The following ZSCAN5A variants were observed in gnomAD, a reference collection of about 807,000 sequenced individuals.
ZSCAN5A encodes the protein zinc finger and SCAN domain-containing protein 5A.
In ZSCAN5A, 12 loss-of-function variants were observed where a neutral mutation model predicts 23.7. The ratio of observed to expected loss-of-function variants is 0.51; its 90% CI spans 0.32 to 0.82. ZSCAN5A has a LOEUF of 0.82. ZSCAN5A is among the 40% of genes least tolerant of loss of function. The probability of loss-of-function intolerance (pLI) is 0.03; values close to 1 mark genes in which losing one functional copy is unlikely to be tolerated. For synonymous variants in ZSCAN5A, 257 were observed against 239.9 expected, an observed-to-expected ratio of 1.07 and a Z score of -0.66; for missense variants, 597 against 617.9, an observed-to-expected ratio of 0.97 and a Z score of 0.36.
At chr19:56,285,800 T>G (rs1019431363) in intron 2 of ZSCAN5A, among the ~76,000 whole-genome samples, 4 of 152,144 alleles carry the variant, frequency 2.6e-5, no homozygotes, top group Non-Finnish European at 4.4e-5. Flanking sequence ...TATTTTGTTT[T>G]GATGTTATTA....
chr19:56,263,257 T>TG (rs2037246656), intron 2 of ZSCAN5A: 1 of 152,234 alleles, frequency 6.6e-6, no homozygotes. Flanking sequence ...GACGGTGAGC[T>TG]GGGTGAAGTG....
intron 2 of ZSCAN5A, among the ~76,000 whole-genome samples, chr19:56,359,548 A>G (rs918765899): frequency 5.3e-5 from 8 of 152,220 alleles, no homozygotes; most frequent in Non-Finnish European, 1.2e-4. Flanking sequence ...AACAATCGAA[A>G]AGAAGAGACT....
At chr19:56,361,044 TAGA>T (rs1328875950) in intron 2 of ZSCAN5A, among the ~76,000 whole-genome samples, 3 of 152,290 alleles carry the variant, frequency 2.0e-5, no homozygotes, top group South Asian at 2.1e-4. Context: ...AGACACTTCT[TAGA>T]AGAAGACATA....
intron 2 of ZSCAN5A, among the ~76,000 whole-genome samples, chr19:56,259,445 T>G (rs968712875): frequency 6.6e-6 from 1 of 152,186 alleles, no homozygotes; most frequent in African/African-American, 2.4e-5. Context: ...TAGAATTCAA[T>G]CAGCCTTTTC....
chr19:56,246,917 A>C, intron 2 of ZSCAN5A: 1 of 1,604,506 alleles, frequency 6.2e-7, no homozygotes, highest in Non-Finnish European at 8.5e-7. Flanking sequence ...TCCATTTCCC[A>C]AGAAGGGCCT....
In ZSCAN5A at chr19:56,352,986, T is replaced by A. The variant is rs989942141; in HGVS notation, c.-358+10249A>T. Among the ~76,000 whole-genome samples the A allele has an allele frequency of 1.3e-5, 2 of 152,206 alleles. No homozygotes were observed. The highest frequency in any genetic ancestry group is 4.8e-5 in the African/African-American group (2 of 41,460). ...GAGGGCTGTCCTGTGCATTGTAGGA[T>A]GTTTAGCTGCATCCCTGGCCCCTGC... On this transcript the variant is annotated intron_variant, in intron 2 of 6. Coordinates refer to the ZSCAN5A transcript ENST00000587340. This position sits in a 1 kb window ranked among gnomAD's most constrained non-coding sequence, Gnocchi z 4.2.
chr19:56,344,532 G>A (rs1600295790), intron 2 of ZSCAN5A, among the ~76,000 whole-genome samples: 1 of 152,128 alleles, frequency 6.6e-6, no homozygotes, highest in Non-Finnish European at 1.5e-5. Context: ...CAGCACTTTG[G>A]GAGGCCAAGG....
chr19:56,245,952 T>C (rs931873512), intron 2 of ZSCAN5A, among the ~76,000 whole-genome samples: 5 of 151,566 alleles, frequency 3.3e-5, no homozygotes, highest in Non-Finnish European at 7.4e-5. Flanking sequence ...TCCAGGAGGG[T>C]GATGCAGCCC....
chr19:56,282,426 A>G, intron 2 of ZSCAN5A: 1 of 946,450 alleles, frequency 1.1e-6, no homozygotes, highest in Non-Finnish European at 1.3e-6. Flanking sequence ...CTGAACCTTC[A>G]TTGGCAATAT....
intron 2 of ZSCAN5A, among the ~76,000 whole-genome samples, chr19:56,304,404 C>T (rs368500959): frequency 2.6e-5 from 4 of 152,326 alleles, no homozygotes; most frequent in African/African-American, 9.6e-5. Flanking sequence ...GTTGTGACAG[C>T]TGGAGGAGGG....
At chr19:56,247,244 A>G (rs1452777216) in intron 2 of ZSCAN5A, 2 of 422,336 alleles carry the variant, frequency 4.7e-6, no homozygotes, top group South Asian at 2.6e-5. Flanking sequence ...GACATCTGTC[A>G]CAAACGGTTC....
chr19:56,237,505 T>C (rs924613259), intron 2 of ZSCAN5A, among the ~76,000 whole-genome samples: 55 of 152,220 alleles, frequency 3.6e-4, no homozygotes, highest in African/African-American at 1.3e-3. Flanking sequence ...TCTGATGTTT[T>C]GTAGGTGACA....
chr19:56,238,129 GAC>G (rs1195486737), intron 2 of ZSCAN5A, among the ~76,000 whole-genome samples: 1 of 12,504 alleles, frequency 8.0e-5, no homozygotes, highest in East Asian at 3.4e-3. Flanking sequence ...CCCACACACA[GAC>G]ACACACATGG....
At position 56,221,704 on chromosome 19, in the gene ZSCAN5A, G is replaced by A. The variant is rs754756520; in HGVS notation, c.1362C>T (p.Ser454=). 1 of 1,613,988 alleles carries A rather than the reference G, an allele frequency of 6.2e-7. No homozygotes were observed. The highest frequency in any genetic ancestry group is 1.3e-5 in the African/African-American group (1 of 74,912). ...DCKKVFTYRG[S]LKEHQRIHSG... ...AGTGGATGCGCTGGTGCTCCTTCAG[G>A]CTCCCCCTGTAGGTGAAAACTTTCT... The change falls in exon 6 of 6, where the codon AGC becomes AGT. Residue 454 remains serine (S), a synonymous_variant. Coordinates refer to ENST00000683990, the MANE Select transcript of ZSCAN5A (RefSeq NM_001322064.3).
chr19:56,290,001 T>C (rs867063560), intron 2 of ZSCAN5A, among the ~76,000 whole-genome samples: 21 of 152,384 alleles, frequency 1.4e-4, no homozygotes, highest in Admixed American at 5.9e-4. Context: ...AACCTGCCTC[T>C]ATTATATAAC....
At chr19:56,242,823 G>C in intron 2 of ZSCAN5A, among the ~76,000 whole-genome samples, 1 of 152,106 alleles carries the variant, frequency 6.6e-6, no homozygotes, top group East Asian at 1.9e-4. Context: ...TTGTTGCCCA[G>C]GCTGGAGTGC....
At chr19:56,325,233 G>A (rs2041421908) in intron 2 of ZSCAN5A, among the ~76,000 whole-genome samples, 1 of 152,130 alleles carries the variant, frequency 6.6e-6, no homozygotes, top group African/African-American at 2.4e-5. Flanking sequence ...CATTTACGTG[G>A]GATAAAGGTT....
chr19:56,272,067 T>A (rs1457536359), intron 2 of ZSCAN5A, among the ~76,000 whole-genome samples: 1 of 152,168 alleles, frequency 6.6e-6, no homozygotes, highest in Non-Finnish European at 1.5e-5. Flanking sequence ...ACTTTATAGA[T>A]CAAGAAAATG....
At position 56,225,032 on chromosome 19, in the gene ZSCAN5A, G is replaced by A. The variant is rs1363805885; in HGVS notation, c.15C>T (p.Cys5=). ...ATTCTCCTAGACTCCATGAGGATGTGCAATTTGCAGCCATATCTAGTGGAG... is the reference window on the plus strand; with the variant it reads ...ATTCTCCTAGACTCCATGAGGATGTACAATTTGCAGCCATATCTAGTGGAG... MAAN[C]TSSWSLGESC... The change falls in exon 3 of 6, where the codon TGC becomes TGT. Residue 5 remains cysteine (C), a synonymous_variant. Transcript: ENST00000683990. The A allele has an allele frequency of 1.2e-5, 19 of 1,597,830 alleles. No individual in the cohort carries two copies. The highest frequency in any genetic ancestry group is 1.5e-5 in the Non-Finnish European group (17 of 1,170,394).
Sources: gnomAD v4.1 joint callset for allele counts (sites outside exome capture counted in the v4.1 genomes callset) on GRCh38, gnomAD v4.1.1 for gene constraint, Gnocchi (gnomAD v3.1) non-coding constraint, MANE v1.5 for transcripts, NCBI Gene and HGNC (gene_info 2026-07-23, HGNC 2026-07-21) for gene names.